The following ZNF623 variants were observed in gnomAD, a reference collection of about 807,000 sequenced individuals.
ZNF623 encodes zinc finger protein 623.
In ZNF623, 16 loss-of-function variants were observed where a neutral mutation model predicts 24.0. The observed-to-expected ratio is 0.67, with a 90% confidence interval of 0.45 to 1.01. The LOEUF (loss-of-function observed/expected upper bound fraction) is 1.01, where lower values mean the gene tolerates loss of function less well. Among genes scored for constraint, ZNF623 ranks in the 50% least tolerant of loss-of-function variants. ZNF623 has a pLI of 0.00. For synonymous variants in ZNF623, 224 were observed against 219.8 expected, an observed-to-expected ratio of 1.02 and a Z score of -0.17; for missense variants, 566 against 606.5, an observed-to-expected ratio of 0.93 and a Z score of 0.70.
Position 143,650,961 on chromosome 8 carries a change from C to T in ZNF623, c.969C>T (p.Thr323=). The T allele has an allele frequency of 1.2e-6, 2 of 1,613,290 alleles. No homozygotes were observed. Among genetic ancestry groups the T allele is most frequent in the East Asian group, 2.2e-5 (1 of 44,818 alleles). The change falls in exon 2 of 2, where the codon ACC becomes ACT. Residue 323 remains threonine, a synonymous_variant. Coordinates refer to ENST00000526926, the MANE Select transcript of ZNF623 (RefSeq NM_001261843.2). This position sits in a 1 kb window ranked among gnomAD's most constrained non-coding sequence, Gnocchi z 5.2. ...GKRFSQTSNF[T]QHQRIHTGEK... ...GCTTCAGCCAGACGTCAAACTTCAC[C>T]CAGCATCAGAGAATTCACACTGGAG... is the stretch of plus-strand genomic sequence containing the variant.
chr8:143,643,150 C>T (rs542256558), intron 1 of ZNF623, among the ~76,000 whole-genome samples: 68 of 152,286 alleles, frequency 4.5e-4, no homozygotes, highest in African/African-American at 1.2e-3. Flanking sequence ...CCCCTAGGGG[C>T]GGCTCCTGCT....
At chr8:143,646,187 A>G (rs951469414) in intron 1 of ZNF623, among the ~76,000 whole-genome samples, 2 of 152,026 alleles carry the variant, frequency 1.3e-5, no homozygotes, top group African/African-American at 2.4e-5. Flanking sequence ...GACCACAGGT[A>G]TGCAACATCA....
At chr8:143,640,774 C>T (rs71520534) in intron 1 of ZNF623, among the ~76,000 whole-genome samples, 1 of 151,958 alleles carries the variant, frequency 6.6e-6, no homozygotes, top group Non-Finnish European at 1.5e-5. Context: ...AATCCCGTCT[C>T]TACTAAAAAT....
chr8:143,642,223 T>C (rs1406413562), intron 1 of ZNF623, among the ~76,000 whole-genome samples: 1 of 152,222 alleles, frequency 6.6e-6, no homozygotes, highest in Non-Finnish European at 1.5e-5. Context: ...GTGACTTCTT[T>C]CCTTAAACCT....
Position 143,651,272 on chromosome 8 carries a change from G to T in ZNF623, c.1280G>T (p.Gly427Val). The change falls in exon 2 of 2, where the codon GGC (glycine) becomes GTC (valine). Residue 427 changes from glycine (G) to valine (V), a missense_variant. Physicochemically the swap from Gly to Val is moderately radical, Grantham distance 109. Coordinates refer to ENST00000526926, the MANE Select transcript of ZNF623 (RefSeq NM_001261843.2). ...TATGTGTGCAGTTATTGTGGGAAAG[G>T]CTTTATTCAGAGGTCAAACTTCCTT... The part of the protein sequence containing the change: ...KPYVCSYCGK[G>V]FIQRSNFLQH... 1 of 1,614,192 alleles carries T rather than the reference G, an allele frequency of 6.2e-7. No homozygotes were observed. The highest frequency in any genetic ancestry group is 8.5e-7 in the Non-Finnish European group (1 of 1,180,036).
At chr8:143,637,343 A>G (rs1814947874) in intron 1 of ZNF623, among the ~76,000 whole-genome samples, 1 of 152,076 alleles carries the variant, frequency 6.6e-6, no homozygotes, top group Non-Finnish European at 1.5e-5. Flanking sequence ...AGCTTGGTGT[A>G]TCCTGTTAAT....
Position 143,648,542 on chromosome 8 carries a change from G to A in ZNF623, c.-95-1356G>A, listed in dbSNP as rs541208572. Among the ~76,000 whole-genome samples the A allele has an allele frequency of 4.6e-5, 7 of 152,152 alleles. No homozygotes were observed. The East Asian group carries it at 1.4e-3, about 29-fold the overall frequency. On this transcript the variant is annotated intron_variant, in intron 1 of 1. Transcript: ENST00000526926. ...TGGTGGGACATGGGGCCCATGACGT[G>A]CATTTTTCAGGTCGCTGGGAACTGG... is the stretch of plus-strand genomic sequence containing the variant.
intron 1 of ZNF623, among the ~76,000 whole-genome samples, chr8:143,646,302 G>A (rs1236857995): frequency 1.3e-5 from 2 of 152,258 alleles, no homozygotes; most frequent in East Asian, 1.9e-4. Flanking sequence ...TTTGGCCACT[G>A]GAAATGCTGG....
chr8:143,650,602 T>G lies in ZNF623; in HGVS notation c.610T>G (p.Phe204Val). 6.2e-7 allele frequency: 1 copy of G among 1,614,150 alleles called. No homozygotes were observed. Among genetic ancestry groups the G allele is most frequent in the Non-Finnish European group, 8.5e-7 (1 of 1,180,036 alleles). Residue 204 changes from phenylalanine to valine, a missense_variant, in exon 2 of 2, where the codon TTC becomes GTC. Physicochemically the swap from Phe to Val is conservative, Grantham distance 50. Coordinates refer to ENST00000526926, the MANE Select transcript of ZNF623 (RefSeq NM_001261843.2). The surrounding 1 kb of genome is among the most constrained non-coding windows in gnomAD (Gnocchi z 5.2). Reference protein sequence around the residue: ...PFECKECGKGFSQSSLLIRHQ... With the variant: ...PFECKECGKGVSQSSLLIRHQ... ...TGAATGCAAAGAGTGTGGGAAAGGCTTCAGTCAGAGCTCCTTACTTATTCG... is the reference window on the plus strand; with the variant it reads ...TGAATGCAAAGAGTGTGGGAAAGGCGTCAGTCAGAGCTCCTTACTTATTCG...
chr8:143,637,010 A>T (rs1814939676), intron 1 of ZNF623, among the ~76,000 whole-genome samples: 1 of 152,050 alleles, frequency 6.6e-6, no homozygotes. Context: ...ATGGAAGATG[A>T]CCCAGGAGAG....
intron 1 of ZNF623, among the ~76,000 whole-genome samples, chr8:143,647,146 T>TA (rs1815193563): frequency 7.5e-6 from 1 of 133,134 alleles, no homozygotes; most frequent in Admixed American, 7.1e-5. Context: ...GGTGCCTTGC[T>TA]GTTTTTTTTT....
intron 1 of ZNF623, among the ~76,000 whole-genome samples, chr8:143,648,402 T>C (rs1167011745): frequency 6.6e-6 from 1 of 151,756 alleles, no homozygotes; most frequent in East Asian, 1.9e-4. Flanking sequence ...CGTGGATGTT[T>C]GGGGTGAGAG....
chr8:143,640,588 C>T (rs1357021971), intron 1 of ZNF623, among the ~76,000 whole-genome samples: 2 of 152,202 alleles, frequency 1.3e-5, no homozygotes, highest in Non-Finnish European at 2.9e-5. Flanking sequence ...GTGTTCACGG[C>T]ATCTTCACCA....
chr8:143,638,340 T>TAA (rs11410447), intron 1 of ZNF623, among the ~76,000 whole-genome samples: 1,571 of 136,472 alleles, frequency 0.012, 13 homozygotes, highest in African/African-American at 0.018. Flanking sequence ...GATTCCGTCT[T>TAA]AAAAAAAAAA....
Position 143,640,662 on chromosome 8 carries a change from C to T in ZNF623, c.-96+4517C>T, listed in dbSNP as rs114549529. On this transcript the variant is annotated intron_variant, in intron 1 of 1. Coordinates refer to ENST00000526926, the MANE Select transcript of ZNF623 (RefSeq NM_001261843.2). ...CATCTCTAAGAAGCAACACCTCAGC[C>T]GGGCATGGTGGCTCGTGCCTGTAAT... Among the ~76,000 whole-genome samples the T allele has an allele frequency of 6.9e-3, 1,047 of 152,250 alleles. 13 individuals carry two copies. Among genetic ancestry groups the T allele is most frequent in the African/African-American group, 0.023 (962 of 41,544 alleles).
intron 1 of ZNF623, among the ~76,000 whole-genome samples, chr8:143,642,203 A>G (rs766439417): frequency 1.4e-4 from 21 of 152,164 alleles, no homozygotes; most frequent in Admixed American, 6.5e-5. Flanking sequence ...TTGCACTTCT[A>G]TGTGTGGAAG....
intron 1 of ZNF623, among the ~76,000 whole-genome samples, chr8:143,638,798 G>A (rs1218196536): frequency 1.3e-5 from 2 of 152,042 alleles, no homozygotes; most frequent in African/African-American, 4.8e-5. Flanking sequence ...TAAACAGCTT[G>A]TTTCCAGGTA....
intron 1 of ZNF623, among the ~76,000 whole-genome samples, chr8:143,647,826 C>T (rs962018054): frequency 1.3e-5 from 2 of 152,142 alleles, no homozygotes; most frequent in African/African-American, 4.8e-5. Context: ...GAGGTGGTCA[C>T]GCTTCATGGT....
Position 143,636,066 on chromosome 8 carries a change from A to T in ZNF623, c.-175A>T, listed in dbSNP as rs1294597502. On this transcript the variant is annotated 5_prime_UTR_variant, in exon 1 of 2. Transcript: ENST00000526926. ...GCGGCGGTGCAGGCTTTGTCGGCTG[A>T]TCTGTGGGGCCCGCGCCGGCGGGGT... 2 of 152,140 alleles carry T rather than the reference A, an allele frequency of 1.3e-5. No homozygotes were observed. Among genetic ancestry groups the T allele is most frequent in the Non-Finnish European group, 2.9e-5 (2 of 68,116 alleles). The allele number at this position is 152,140 out of a possible 1,614,324, so 9.4% of individuals were successfully genotyped here.
Sources: allele counts gnomAD v4.1 joint callset (sites outside exome capture counted in the v4.1 genomes callset), GRCh38; gene constraint gnomAD v4.1.1; non-coding constraint Gnocchi (gnomAD v3.1); transcripts MANE v1.5; gene names NCBI Gene and HGNC (gene_info 2026-07-23, HGNC 2026-07-21).